Variants in COL25A1 observed in about 807,000 individuals in gnomAD.
COL25A1 encodes collagen type XXV alpha 1 chain, also known as collagen alpha-1(XXV) chain.
A neutral mutation model predicts 128.4 loss-of-function variants in COL25A1; 103 were observed. The observed-to-expected ratio is 0.80, with a 90% CI of 0.68 to 0.94. The LOEUF (loss-of-function observed/expected upper bound fraction) is 0.94, where lower values mean the gene tolerates loss of function less well. Among genes scored for constraint, COL25A1 ranks in the 40% least tolerant of loss-of-function variants. COL25A1 has a pLI of 0.00. For missense variants in COL25A1, 745 were observed against 840.0 expected (o/e 0.89, Z 1.40); for synonymous variants, 279 against 277.2 (o/e 1.01, Z -0.06).
At chr4:109,085,218 G>A (rs540624717) in intron 3 of COL25A1, among the ~76,000 whole-genome samples, 91 of 152,220 alleles carry the variant, frequency 6.0e-4, no homozygotes, top group African/African-American at 1.6e-3. Context: ...TAAAGAGTCC[G>A]CTGAGCCCCA....
chr4:109,113,478 A>T (rs1330381493), intron 3 of COL25A1, among the ~76,000 whole-genome samples: 18 of 152,094 alleles, frequency 1.2e-4, no homozygotes, highest in Admixed American at 1.2e-3. Flanking sequence ...ATATTATTAC[A>T]TTTGCTCTAA....
chr4:108,916,501 T>G (rs1352045180), intron 13 of COL25A1, among the ~76,000 whole-genome samples: 10 of 152,168 alleles, frequency 6.6e-5, no homozygotes, highest in Non-Finnish European at 1.2e-4. Context: ...TCTATAAATT[T>G]TCATGATTGT....
At chr4:109,097,959 G>C (rs1228052813) in intron 3 of COL25A1, among the ~76,000 whole-genome samples, 1 of 151,950 alleles carries the variant, frequency 6.6e-6, no homozygotes, top group Non-Finnish European at 1.5e-5. Context: ...ACCGGCACCA[G>C]GCACAAATTT....
intron 3 of COL25A1, among the ~76,000 whole-genome samples, chr4:109,072,015 AC>A (rs1763009714): frequency 6.6e-6 from 1 of 152,220 alleles, no homozygotes; most frequent in Non-Finnish European, 1.5e-5. Context: ...GCTACTATTA[AC>A]ATGAGGAACA....
intron 2 of COL25A1, among the ~76,000 whole-genome samples, chr4:109,301,469 C>A (rs1354997618): frequency 6.6e-6 from 1 of 152,134 alleles, no homozygotes; most frequent in Admixed American, 6.5e-5. Flanking sequence ...CCCTTTTAGA[C>A]CTTCCTATGT....
At chr4:109,083,620 G>A (rs574947168) in intron 3 of COL25A1, among the ~76,000 whole-genome samples, 7 of 151,540 alleles carry the variant, frequency 4.6e-5, no homozygotes, top group East Asian at 3.9e-4. Context: ...CCGCTACCAC[G>A]CCCGGCTAAT....
chr4:109,285,578 G>C (rs1723800171), intron 3 of COL25A1, among the ~76,000 whole-genome samples: 1 of 152,172 alleles, frequency 6.6e-6, no homozygotes, highest in African/African-American at 2.4e-5. Flanking sequence ...ATCTAAAAAA[G>C]GGATTATCAG....
intron 5 of COL25A1, among the ~76,000 whole-genome samples, chr4:109,017,517 T>C (rs560957215): frequency 6.6e-6 from 1 of 152,376 alleles, no homozygotes; most frequent in African/African-American, 2.4e-5. Flanking sequence ...ATTCTCTGAA[T>C]TGACAAACTC....
intron 19 of COL25A1, among the ~76,000 whole-genome samples, chr4:108,882,496 T>C (rs1286796984): frequency 6.6e-6 from 1 of 152,170 alleles, no homozygotes; most frequent in African/African-American, 2.4e-5. Flanking sequence ...TTATTTTTGA[T>C]TAATGCTGAG....
At chr4:108,946,155 G>A (rs1279431351) in intron 8 of COL25A1, among the ~76,000 whole-genome samples, 1 of 152,026 alleles carries the variant, frequency 6.6e-6, no homozygotes, top group Non-Finnish European at 1.5e-5. Flanking sequence ...TGAATATTTT[G>A]ACATCATTAC....
intron 13 of COL25A1, among the ~76,000 whole-genome samples, chr4:108,905,864 G>A (rs966229785): frequency 6.6e-6 from 1 of 151,410 alleles, no homozygotes; most frequent in Non-Finnish European, 1.5e-5. Context: ...GGGGGGTGCG[G>A]GGGGAGGCGT....
intron 27 of COL25A1, among the ~76,000 whole-genome samples, chr4:108,848,029 A>T (rs1447990647): frequency 6.6e-6 from 1 of 152,166 alleles, no homozygotes; most frequent in Non-Finnish European, 1.5e-5. Flanking sequence ...ACGTTCTCCA[A>T]CTCAGATTCT....
At chr4:109,283,930 T>C (rs1203325580) in intron 3 of COL25A1, among the ~76,000 whole-genome samples, 1 of 152,228 alleles carries the variant, frequency 6.6e-6, no homozygotes, top group Non-Finnish European at 1.5e-5. Context: ...CTATTAGTTA[T>C]ATTATTTTAT....
chr4:109,290,335 G>T, intron 3 of COL25A1, among the ~76,000 whole-genome samples: 1 of 152,018 alleles, frequency 6.6e-6, no homozygotes, highest in Non-Finnish European at 1.5e-5. Context: ...GAACTTGGTT[G>T]CAGAACCAAG....
intron 13 of COL25A1, among the ~76,000 whole-genome samples, chr4:108,916,017 G>C (rs1744835573): frequency 6.6e-6 from 1 of 152,028 alleles, no homozygotes; most frequent in African/African-American, 2.4e-5. Context: ...TTACTCTATT[G>C]CCAACTTTGT....
At chr4:109,235,175 A>G (rs1779390857) in intron 3 of COL25A1, among the ~76,000 whole-genome samples, 1 of 152,066 alleles carries the variant, frequency 6.6e-6, no homozygotes, top group South Asian at 2.1e-4. Context: ...AGAGATTGCT[A>G]AGTGAGAAAA....
intron 3 of COL25A1, among the ~76,000 whole-genome samples, chr4:109,182,609 C>G (rs573527295): frequency 6.6e-6 from 1 of 152,198 alleles, no homozygotes; most frequent in Admixed American, 6.5e-5. Context: ...CAACAGAGTA[C>G]TAAAGAGCCA....
At chr4:109,157,662 G>C (rs1228462571) in intron 3 of COL25A1, among the ~76,000 whole-genome samples, 3 of 152,128 alleles carry the variant, frequency 2.0e-5, no homozygotes, top group African/African-American at 7.2e-5. Flanking sequence ...TTAAAGGTTG[G>C]CACAGTTTTA....
chr4:108,936,766 T>C (rs959149190), intron 11 of COL25A1, among the ~76,000 whole-genome samples: 5 of 148,838 alleles, frequency 3.4e-5, no homozygotes, highest in African/African-American at 1.2e-4. Context: ...CCTGACTCTA[T>C]GCATTAGTTT....
Sources: gnomAD v4.1 joint callset for allele counts (sites outside exome capture counted in the v4.1 genomes callset) on GRCh38, gnomAD v4.1.1 for gene constraint, MANE v1.5 for transcripts, NCBI Gene and HGNC (gene_info 2026-07-23, HGNC 2026-07-21) for gene names.